The following MLLT10 variants were observed in gnomAD, a reference collection of about 807,000 sequenced individuals.
MLLT10 encodes MLLT10 histone lysine methyltransferase DOT1L cofactor.
A neutral mutation model predicts 129.1 loss-of-function variants in MLLT10; 30 were observed. The observed-to-expected ratio is 0.23, with a 90% confidence interval of 0.17 to 0.32. The LOEUF is 0.32. Among genes scored for constraint, MLLT10 ranks in the 10% least tolerant of loss-of-function variants. The pLI is 1.00. For missense variants in MLLT10, 1,119 were observed against 1,268.3 expected (o/e 0.88, Z 1.79); for synonymous variants, 490 against 446.4 (o/e 1.10, Z -1.23).
chr10:21,686,511 C>T (rs1308912643), intron 13 of MLLT10, among the ~76,000 whole-genome samples: 2 of 152,136 alleles, frequency 1.3e-5, no homozygotes, highest in Non-Finnish European at 2.9e-5. Context: ...TCCTAAAGTA[C>T]TTTGCTTTGT....
intron 14 of MLLT10, among the ~76,000 whole-genome samples, chr10:21,725,499 A>T (rs1449297856): frequency 6.6e-6 from 1 of 152,062 alleles, no homozygotes; most frequent in African/African-American, 2.4e-5. Context: ...CGGGTGGATC[A>T]CCTGAGGTCA....
chr10:21,647,323 C>T (rs1461962504), intron 8 of MLLT10, among the ~76,000 whole-genome samples: 1 of 152,072 alleles, frequency 6.6e-6, no homozygotes, highest in Non-Finnish European at 1.5e-5. Context: ...ATTACTAGGT[C>T]ACATGGTATG....
chr10:21,572,935 C>CT (rs1219373540), intron 3 of MLLT10, among the ~76,000 whole-genome samples: 4 of 151,580 alleles, frequency 2.6e-5, no homozygotes, highest in Non-Finnish European at 5.9e-5. Flanking sequence ...AATATTTTGT[C>CT]TTTTTTTTGA....
rs933751799 is a variant in MLLT10, at chr10:21,682,150, A to G, written c.1667-75A>G. 3 of 1,175,506 alleles carry G rather than the reference A, an allele frequency of 2.6e-6. No homozygotes were observed. In the East Asian group the frequency reaches 7.4e-5, roughly 29 times the overall value. The allele number at this position is 1,175,506 out of a possible 1,614,324, so 72.8% of individuals were successfully genotyped here. On this transcript the variant is annotated intron_variant, in intron 12 of 22. Transcript: ENST00000307729. ...TACTGAAATTTTATTATACTAATTC[A>G]GTGTATGGCTATGTATTTCTTTTGT... is the stretch of plus-strand genomic sequence containing the variant.
intron 5 of MLLT10, among the ~76,000 whole-genome samples, chr10:21,598,558 A>G (rs1293205874): frequency 1.3e-5 from 2 of 152,170 alleles, no homozygotes; most frequent in Admixed American, 6.5e-5. Context: ...ACATATTTCT[A>G]TAAATTCACA....
At position 21,616,622 on chromosome 10, in the gene MLLT10, T is replaced by C. The variant is rs1251878523; in HGVS notation, c.604-490T>C. 2.0e-5 allele frequency among the ~76,000 whole-genome samples: 3 copies of C among 152,222 alleles called. No individual in the cohort carries two copies. The East Asian group carries it at 5.8e-4, about 29-fold the overall frequency. ...TCTTTATTTGCTCTATCAAATAAAA[T>C]GTGCAGGAATTATTTATTGAACTGC... On this transcript the variant is annotated intron_variant, in intron 7 of 22. Transcript: ENST00000307729.
At chr10:21,640,823 AC>A (rs2047928805) in intron 8 of MLLT10, among the ~76,000 whole-genome samples, 1 of 152,306 alleles carries the variant, frequency 6.6e-6, no homozygotes, top group African/African-American at 2.4e-5. Flanking sequence ...ATTATGATTG[AC>A]TTTACACAAT....
intron 8 of MLLT10, among the ~76,000 whole-genome samples, chr10:21,638,470 G>C (rs888431480): frequency 6.6e-6 from 1 of 151,940 alleles, no homozygotes; most frequent in Non-Finnish European, 1.5e-5. Context: ...CCTGCCCACT[G>C]AATCCTGGGA....
chr10:21,739,924 C>T (rs1260956970), intron 21 of MLLT10, 106 bp from the exon 22 acceptor site: 6 of 872,900 alleles, frequency 6.9e-6, no homozygotes, highest in Middle Eastern at 2.6e-4. Flanking sequence ...TGTTTTCTTT[C>T]TTTGCAAATA....
At chr10:21,709,789 C>G (rs2055896566) in intron 13 of MLLT10, among the ~76,000 whole-genome samples, 1 of 152,036 alleles carries the variant, frequency 6.6e-6, no homozygotes, top group Non-Finnish European at 1.5e-5. Context: ...GTCACTGAGG[C>G]TGGAGTGCAG....
rs369797804 is a variant in MLLT10 at position 21,612,326 on chromosome 10, CTTTT to C, written c.406-13_406-10del. 9.7e-6 allele frequency: 12 copies of C among 1,242,310 alleles called. No individual in the cohort carries two copies. The highest frequency in any genetic ancestry group is 4.5e-5 in the Admixed American group (2 of 44,132). 77.0% of individuals were successfully genotyped at this position (1,242,310 alleles called of 1,614,324 possible). ...TGTTAAGAACATGTATGATTTTTGT[CTTTT>C]TTTTTTTTAACCCCAAGACTTGCTA... is the stretch of plus-strand genomic sequence containing the variant. On this transcript the variant is annotated intron_variant, in intron 5 of 22. Coordinates refer to ENST00000307729, the MANE Select transcript of MLLT10 (RefSeq NM_001195626.3).
At chr10:21,584,900 A>T (rs1156561858) in intron 3 of MLLT10, among the ~76,000 whole-genome samples, 1 of 151,306 alleles carries the variant, frequency 6.6e-6, no homozygotes, top group Non-Finnish European at 1.5e-5. Flanking sequence ...ATATATGTAT[A>T]TGTATATATA....
intron 13 of MLLT10, among the ~76,000 whole-genome samples, chr10:21,694,728 C>T (rs2054191451): frequency 6.6e-6 from 1 of 152,170 alleles, no homozygotes; most frequent in African/African-American, 2.4e-5. Flanking sequence ...GCTGACATAA[C>T]AAATTATCAG....
rs577762004 is a variant in MLLT10 at position 21,562,639 on chromosome 10, G to A, written c.241-23655G>A. Among the ~76,000 whole-genome samples the A allele has an allele frequency of 6.0e-5, 9 of 151,136 alleles. No individual in the cohort carries two copies. The East Asian group carries it at 1.4e-3, about 23-fold the overall frequency. ...AGGTGTGAGCCACCACACCTGGCGT[G>A]GAGATTGCTTTGGAGTAGTAAAATC... On this transcript the variant is annotated intron_variant, in intron 3 of 22. Coordinates refer to ENST00000307729, the MANE Select transcript of MLLT10 (RefSeq NM_001195626.3).
intron 2 of MLLT10, among the ~76,000 whole-genome samples, chr10:21,537,663 T>G (rs2034296750): frequency 6.6e-6 from 1 of 151,988 alleles, no homozygotes; most frequent in Non-Finnish European, 1.5e-5. Flanking sequence ...GAGATGGGGT[T>G]TCACCATCTT....
At chr10:21,553,291 C>T (rs973153845) in intron 3 of MLLT10, among the ~76,000 whole-genome samples, 1 of 151,522 alleles carries the variant, frequency 6.6e-6, no homozygotes, top group Non-Finnish European at 1.5e-5. Flanking sequence ...TTTTAGCTTT[C>T]AGTGTTACTG....
rs192587920 is a variant in MLLT10 at position 21,550,971 on chromosome 10, T to G, written c.240+12059T>G. The stretch of plus-strand genomic sequence containing the variant: ...AATGGAGTCTTGCTCTGTCACCCAG[T>G]GCAGTGGTACGATCTTAGCTCACTG... On this transcript the variant is annotated intron_variant, in intron 3 of 22. Transcript: ENST00000307729. Among the ~76,000 whole-genome samples the G allele has an allele frequency of 8.5e-4, 129 of 151,370 alleles. 1 individual carries two copies. Among genetic ancestry groups the G allele is most frequent in the African/African-American group, 3.0e-3 (124 of 41,152 alleles).
Position 21,598,487 on chromosome 10 carries a change from T to A in MLLT10, c.405+3047T>A, listed in dbSNP as rs565210906. On this transcript the variant is annotated intron_variant, in intron 5 of 22. Transcript: ENST00000307729. ...GTGGGTGCTAGGTGTGGGTTATTGC[T>A]ACTCTCAGTCAGCATGGCTAGGAAA... Among the ~76,000 whole-genome samples, 10 of 152,342 alleles carry A rather than the reference T, an allele frequency of 6.6e-5. 1 individual carries two copies. The South Asian group carries it at 1.0e-3, about 16-fold the overall frequency.
chr10:21,699,684 T>TCAAA (rs2054714557), intron 13 of MLLT10, among the ~76,000 whole-genome samples: 1 of 141,504 alleles, frequency 7.1e-6, no homozygotes, highest in Non-Finnish European at 1.6e-5. Context: ...CAGTTGGCTG[T>TCAAA]AAAAAAAAAA....
Sources: allele counts gnomAD v4.1 joint callset (sites outside exome capture counted in the v4.1 genomes callset), GRCh38; gene constraint gnomAD v4.1.1; transcripts MANE v1.5; gene names NCBI Gene and HGNC (gene_info 2026-07-23, HGNC 2026-07-21).